Variants in ELP4 observed in about 807,000 individuals in gnomAD.
The protein encoded by ELP4 is elongator acetyltransferase complex subunit 4.
ELP4 carries 51 observed loss-of-function variants against 48.9 expected under a neutral mutation model. That is an observed-to-expected ratio of 1.04 (90% confidence interval 0.83 to 1.32). ELP4 has a LOEUF of 1.32. Ranked by LOEUF, ELP4 falls within the 40% of genes most tolerant of loss-of-function variation. ELP4 has a pLI of 0.00. For missense variants in ELP4, 519 were observed against 514.6 expected, an observed-to-expected ratio of 1.01 and a Z score of -0.08; for synonymous variants, 210 against 189.2, an observed-to-expected ratio of 1.11 and a Z score of -0.90.
intron 7 of ELP4, among the ~76,000 whole-genome samples, chr11:31,634,913 C>A (rs1465714399): frequency 6.6e-6 from 1 of 151,782 alleles, no homozygotes; most frequent in African/African-American, 2.4e-5. Context: ...AACTGCACAA[C>A]CTTCTAAAAT....
At chr11:31,546,886 C>A (rs1244212012) in intron 3 of ELP4, among the ~76,000 whole-genome samples, 8 of 152,194 alleles carry the variant, frequency 5.3e-5, no homozygotes, top group African/African-American at 1.9e-4. Flanking sequence ...TGAATGACTA[C>A]TGGGTACATA....
At chr11:31,706,645 A>G (rs12799146) in intron 9 of ELP4, among the ~76,000 whole-genome samples, 43,927 of 148,968 alleles carry the variant, frequency 0.29, 7,135 homozygotes, top group African/African-American at 0.43. Flanking sequence ...TTTAACTTTT[A>G]TCTAATATTT....
At chr11:31,777,471 G>C (rs949910276) in intron 9 of ELP4, among the ~76,000 whole-genome samples, 3 of 152,214 alleles carry the variant, frequency 2.0e-5, no homozygotes, top group Non-Finnish European at 4.4e-5. Context: ...CATACTGAGT[G>C]AATGCTTCTG....
At chr11:31,609,378 G>A (rs567330867) in intron 5 of ELP4, among the ~76,000 whole-genome samples, 1 of 152,100 alleles carries the variant, frequency 6.6e-6, no homozygotes, top group Admixed American at 6.5e-5. Flanking sequence ...TTTTAAGTTT[G>A]CACCATATGT....
At chr11:31,517,627 T>C (rs962776645) in intron 1 of ELP4, among the ~76,000 whole-genome samples, 2 of 150,096 alleles carry the variant, frequency 1.3e-5, no homozygotes, top group African/African-American at 4.9e-5. Flanking sequence ...TTTGAGTAAT[T>C]TTTTTTTTTA....
intron 9 of ELP4, among the ~76,000 whole-genome samples, chr11:31,751,000 AG>A (rs1947707280): frequency 6.6e-6 from 1 of 152,228 alleles, no homozygotes; most frequent in Non-Finnish European, 1.5e-5. Flanking sequence ...CCTCATTTTC[AG>A]TATCTTTGCA....
rs78196254 is a variant in ELP4 at position 31,698,080 on chromosome 11, T to C, written c.1143+47859T>C. Among the ~76,000 whole-genome samples, 1,176 of 152,304 alleles carry C rather than the reference T, an allele frequency of 7.7e-3. 21 individuals are homozygous for C. Among genetic ancestry groups the C allele is most frequent in the African/African-American group, 0.027 (1,128 of 41,568 alleles). The stretch of plus-strand genomic sequence containing the variant: ...CGCCCTGGCATTTGAACAGCTGTTA[T>C]ATCCAATTCAGATTTGCATACTGTT... On this transcript the variant is annotated intron_variant, in intron 9 of 9. Coordinates refer to ENST00000640961, the MANE Select transcript of ELP4 (RefSeq NM_019040.5).
intron 7 of ELP4, among the ~76,000 whole-genome samples, chr11:31,635,118 C>G (rs1944946356): frequency 6.6e-6 from 1 of 151,608 alleles, no homozygotes; most frequent in Non-Finnish European, 1.5e-5. Context: ...TTGTTCAAAC[C>G]CATCATTATA....
chr11:31,623,365 ATATATATATATATATATATATATAT>A (rs1268042714), intron 5 of ELP4, among the ~76,000 whole-genome samples: 4 of 95,804 alleles, frequency 4.2e-5, no homozygotes, highest in Non-Finnish European at 6.2e-5. Context: ...ATATATATAT[ATATATATATATATATATATATATAT>A]AAAACTAGAA....
chr11:31,617,604 A>G (rs541072430), intron 5 of ELP4, among the ~76,000 whole-genome samples: 170 of 152,168 alleles, frequency 1.1e-3, no homozygotes, highest in African/African-American at 4.0e-3. Flanking sequence ...TTAAAAAGAA[A>G]AATGGGGAAA....
chr11:31,669,664 C>A (rs946279599), intron 9 of ELP4, among the ~76,000 whole-genome samples: 6 of 152,120 alleles, frequency 3.9e-5, no homozygotes, highest in Non-Finnish European at 8.8e-5. Flanking sequence ...ACCCACAGCA[C>A]CTTACACAGG....
chr11:31,610,101 C>G (rs1349722849), intron 5 of ELP4, among the ~76,000 whole-genome samples: 2 of 151,900 alleles, frequency 1.3e-5, no homozygotes, highest in East Asian at 1.9e-4. Flanking sequence ...ACATCTAAGA[C>G]TAAAAATTCG....
chr11:31,767,741 CTGA>C (rs1592293763), intron 9 of ELP4: 1 of 152,096 alleles, frequency 6.6e-6, no homozygotes, highest in East Asian at 1.9e-4. Context: ...CTATCTAAGG[CTGA>C]GTTGAATTAC....
At chr11:31,768,975 A>T (rs964460745) in intron 9 of ELP4, among the ~76,000 whole-genome samples, 1 of 152,172 alleles carries the variant, frequency 6.6e-6, no homozygotes, top group Non-Finnish European at 1.5e-5. Flanking sequence ...CAGACACTCT[A>T]GGCTGCCTAG....
chr11:31,702,671 C>T (rs1946550943), intron 9 of ELP4, among the ~76,000 whole-genome samples: 1 of 152,218 alleles, frequency 6.6e-6, no homozygotes, highest in African/African-American at 2.4e-5. Flanking sequence ...TTAACCTTAA[C>T]ATATACTATT....
Position 31,786,848 on chromosome 11 carries a change from G to A in ELP4, c.*3324G>A, listed in dbSNP as rs888526836. On this transcript the variant is annotated 3_prime_UTR_variant, in exon 10 of 10. Coordinates refer to ENST00000640961, the MANE Select transcript of ELP4 (RefSeq NM_019040.5). The stretch of plus-strand genomic sequence containing the variant: ...GAACGTTTATTACTTAAAACATTCA[G>A]CTCTTATTCTATTCACCTGGTTTTC... 1 of 217,592 alleles carries A rather than the reference G, an allele frequency of 4.6e-6. No individual in the cohort carries two copies. The highest frequency in any genetic ancestry group is 2.3e-5 in the African/African-American group (1 of 44,398). The allele number at this position is 217,592 out of a possible 1,614,324, so 13.5% of individuals were successfully genotyped here. A position where few individuals can be genotyped will look rare whatever the true frequency, so the allele number is the denominator to read the frequency against.
intron 9 of ELP4, among the ~76,000 whole-genome samples, chr11:31,682,382 G>C (rs550095050): frequency 6.6e-6 from 1 of 152,102 alleles, no homozygotes; most frequent in African/African-American, 2.4e-5. Context: ...GCACTACTTC[G>C]GTCACACTTC....
At chr11:31,521,273 C>T (rs147670877) in intron 2 of ELP4, among the ~76,000 whole-genome samples, 1 of 151,388 alleles carries the variant, frequency 6.6e-6, no homozygotes, top group Non-Finnish European at 1.5e-5. Flanking sequence ...ATACATTATG[C>T]AAAGTGCATT....
chr11:31,744,861 T>G (rs2134227373), intron 9 of ELP4, among the ~76,000 whole-genome samples: 1 of 152,226 alleles, frequency 6.6e-6, no homozygotes, highest in Middle Eastern at 3.4e-3. Flanking sequence ...ACCACTCCTA[T>G]TCAACATAGT....
Sources: allele counts gnomAD v4.1 joint callset (sites outside exome capture counted in the v4.1 genomes callset), GRCh38; gene constraint gnomAD v4.1.1; transcripts MANE v1.5; gene names NCBI Gene and HGNC (gene_info 2026-07-23, HGNC 2026-07-21).